The following KCNIP4 variants were observed in gnomAD, a reference collection of about 807,000 sequenced individuals.
The protein encoded by KCNIP4 is Kv channel-interacting protein 4.
A neutral mutation model predicts 34.0 loss-of-function variants in KCNIP4; 12 were observed. The observed-to-expected ratio is 0.35, with a 90% CI of 0.23 to 0.57. The LOEUF (loss-of-function observed/expected upper bound fraction) is 0.57, where lower values mean the gene tolerates loss of function less well. KCNIP4 is among the 20% of genes least tolerant of loss of function. The pLI is 0.83. For missense variants in KCNIP4, 238 were observed against 311.7 expected (o/e 0.76, Z 1.78); for synonymous variants, 124 against 102.2 (o/e 1.21, Z -1.29).
At chr4:20,861,940 C>T (rs1442352235) in intron 2 of KCNIP4, among the ~76,000 whole-genome samples, 1 of 150,994 alleles carries the variant, frequency 6.6e-6, no homozygotes, top group African/African-American at 2.4e-5. Flanking sequence ...ATTATTACTA[C>T]AGCATCATGA....
At chr4:21,838,663 T>C (rs1051575370) in intron 1 of KCNIP4, among the ~76,000 whole-genome samples, 1 of 152,210 alleles carries the variant, frequency 6.6e-6, no homozygotes, top group African/African-American at 2.4e-5. Flanking sequence ...CCATCAGCAC[T>C]ATGTTCTGTG....
At chr4:20,802,699 T>G (rs369689005) in intron 3 of KCNIP4, among the ~76,000 whole-genome samples, 1 of 151,956 alleles carries the variant, frequency 6.6e-6, no homozygotes, top group Non-Finnish European at 1.5e-5. Context: ...TCTTGAAAAA[T>G]TAACAAAAAA....
At chr4:21,126,000 G>A (rs1750583795) in intron 1 of KCNIP4, among the ~76,000 whole-genome samples, 1 of 152,052 alleles carries the variant, frequency 6.6e-6, no homozygotes, top group Non-Finnish European at 1.5e-5. Flanking sequence ...AGTCGTTACA[G>A]TGCAGATGTA....
intron 1 of KCNIP4, among the ~76,000 whole-genome samples, chr4:21,891,966 G>T (rs568595268): frequency 1.3e-5 from 2 of 152,188 alleles, no homozygotes; most frequent in East Asian, 3.9e-4. Context: ...GGAAAGTTTG[G>T]AAGGGAAAGG....
intron 1 of KCNIP4, among the ~76,000 whole-genome samples, chr4:21,068,473 T>G (rs1182993410): frequency 6.6e-6 from 1 of 152,184 alleles, no homozygotes; most frequent in African/African-American, 2.4e-5. Context: ...CCTTATTCCA[T>G]TCTCTCTTCA....
chr4:21,083,211 T>A (rs952328775), intron 1 of KCNIP4, among the ~76,000 whole-genome samples: 1 of 151,760 alleles, frequency 6.6e-6, no homozygotes, highest in African/African-American at 2.4e-5. Flanking sequence ...ATTTTATCCC[T>A]AAGGAAGATT....
chr4:21,303,807 C>T (rs1407714740), intron 1 of KCNIP4: 33 of 1,613,182 alleles, frequency 2.0e-5, no homozygotes, highest in Non-Finnish European at 2.4e-5. Context: ...ACTCCCTTAC[C>T]TTCTAAACCT....
chr4:21,669,164 C>T (rs1365101484), intron 1 of KCNIP4, among the ~76,000 whole-genome samples: 1 of 141,320 alleles, frequency 7.1e-6, no homozygotes, highest in African/African-American at 2.6e-5. Flanking sequence ...AAGACAGGGT[C>T]ACCTAGGCTG....
intron 1 of KCNIP4, among the ~76,000 whole-genome samples, chr4:21,731,288 A>G (rs1456429666): frequency 1.3e-5 from 2 of 152,176 alleles, no homozygotes; most frequent in African/African-American, 4.8e-5. Context: ...GAGAAGGTAC[A>G]TACACACAAA....
intron 1 of KCNIP4, among the ~76,000 whole-genome samples, chr4:21,028,260 T>C (rs1255000748): frequency 6.6e-6 from 1 of 152,150 alleles, no homozygotes; most frequent in African/African-American, 2.4e-5. Context: ...CTTGCTTCTA[T>C]CCTTGGCCTA....
At chr4:20,934,699 A>C (rs1730864844) in intron 1 of KCNIP4, among the ~76,000 whole-genome samples, 1 of 152,234 alleles carries the variant, frequency 6.6e-6, no homozygotes, top group Non-Finnish European at 1.5e-5. Flanking sequence ...GAAATAAACA[A>C]AAAATAAGTA....
At chr4:21,484,444 A>T (rs77789711) in intron 1 of KCNIP4, among the ~76,000 whole-genome samples, 18,882 of 151,988 alleles carry the variant, frequency 0.12, 1,342 homozygotes, top group South Asian at 0.21. Context: ...AAAAAAATTA[A>T]AAGATAGGTA....
intron 1 of KCNIP4, among the ~76,000 whole-genome samples, chr4:21,042,542 A>T (rs1742059469): frequency 6.6e-6 from 1 of 152,030 alleles, no homozygotes; most frequent in Non-Finnish European, 1.5e-5. Context: ...GCAGAGGGGG[A>T]GGGGAGATAG....
intron 1 of KCNIP4, among the ~76,000 whole-genome samples, chr4:21,667,530 T>A (rs780000370): frequency 2.0e-5 from 3 of 152,186 alleles, no homozygotes; most frequent in Admixed American, 6.5e-5. Flanking sequence ...TGCTGTGAGA[T>A]TCCACTCAAA....
chr4:21,668,139 C>G (rs545338677), intron 1 of KCNIP4, among the ~76,000 whole-genome samples: 2 of 152,178 alleles, frequency 1.3e-5, no homozygotes, highest in African/African-American at 2.4e-5. Flanking sequence ...GAACAGAAAA[C>G]CAAACACCGC....
chr4:20,999,449 T>G (rs966902435), intron 1 of KCNIP4, among the ~76,000 whole-genome samples: 2 of 134,802 alleles, frequency 1.5e-5, no homozygotes, highest in Non-Finnish European at 1.5e-5. Context: ...TTTTTTTTTT[T>G]TTTTTTTATC....
At chr4:20,927,137 C>T (rs1419545847) in intron 1 of KCNIP4, among the ~76,000 whole-genome samples, 1 of 152,088 alleles carries the variant, frequency 6.6e-6, no homozygotes, top group Non-Finnish European at 1.5e-5. Context: ...TGTCACCACA[C>T]CTGGCTAATT....
At chr4:21,103,186 G>C (rs1748105240) in intron 1 of KCNIP4, among the ~76,000 whole-genome samples, 1 of 151,178 alleles carries the variant, frequency 6.6e-6, no homozygotes, top group Non-Finnish European at 1.5e-5. Context: ...TACCAACTTT[G>C]TGATCTTGGG....
At chr4:21,316,577 C>T (rs1713788156) in intron 1 of KCNIP4, 1 of 152,144 alleles carries the variant, frequency 6.6e-6, no homozygotes. Context: ...CACCTTTGCG[C>T]ATGAAAAGTG....
Sources: allele counts gnomAD v4.1 joint callset (sites outside exome capture counted in the v4.1 genomes callset), GRCh38; gene constraint gnomAD v4.1.1; transcripts MANE v1.5; gene names NCBI Gene and HGNC (gene_info 2026-07-23, HGNC 2026-07-21).